Variants in HMGCLL1 observed in about 807,000 individuals in gnomAD.
The protein encoded by HMGCLL1 is 3-hydroxy-3-methylglutaryl-CoA lyase like 1, also known as 3-hydroxymethyl-3-methylglutaryl-CoA lyase, cytoplasmic.
Under a neutral mutation model 39.1 loss-of-function variants are expected in HMGCLL1, and 36 were observed. That is an observed-to-expected ratio of 0.92 (90% CI 0.71 to 1.22). The LOEUF (loss-of-function observed/expected upper bound fraction) is 1.22, where lower values mean the gene tolerates loss of function less well. HMGCLL1 is among the 50% of genes most tolerant of loss of function. The pLI is 0.00. For missense variants in HMGCLL1, 451 were observed against 416.5 expected, an observed-to-expected ratio of 1.08 and a Z score of -0.72; for synonymous variants, 149 against 144.0, an observed-to-expected ratio of 1.03 and a Z score of -0.25.
At chr6:55,592,535 G>A in the HMGCLL1 span, among the ~76,000 whole-genome samples, 12 of 151,986 alleles carry the variant, frequency 7.9e-5, no homozygotes, top group African/African-American at 2.4e-4. Flanking sequence ...ATTCTTTGTT[G>A]TGGGTGGTGT....
At chr6:55,557,180 C>A (rs1387938376) in intron 1 of HMGCLL1, among the ~76,000 whole-genome samples, 2 of 152,176 alleles carry the variant, frequency 1.3e-5, no homozygotes, top group Non-Finnish European at 2.9e-5. Context: ...ATTTATACTA[C>A]ATAGTCTTAC....
chr6:55,512,366 G>C (rs1581879597), intron 5 of HMGCLL1: 2 of 152,172 alleles, frequency 1.3e-5, no homozygotes, highest in Non-Finnish European at 2.9e-5. Context: ...AGAAAATTGA[G>C]ACAACTTATT....
chr6:55,625,185 G>A, the HMGCLL1 span, among the ~76,000 whole-genome samples: 1 of 152,076 alleles, frequency 6.6e-6, no homozygotes, highest in African/African-American at 2.4e-5. Flanking sequence ...CTGTTAATGG[G>A]CTTTTGTGGA....
chr6:55,507,293 C>T (rs1168110851), intron 5 of HMGCLL1, among the ~76,000 whole-genome samples: 1 of 151,642 alleles, frequency 6.6e-6, no homozygotes, highest in Non-Finnish European at 1.5e-5. Flanking sequence ...TGTTATAATA[C>T]TATCGACAGT....
the HMGCLL1 span, among the ~76,000 whole-genome samples, chr6:55,588,173 A>C: frequency 3.3e-5 from 5 of 152,194 alleles, no homozygotes; most frequent in South Asian, 8.3e-4. Context: ...TCCTCAGCAA[A>C]TGTAAAAGAA....
chr6:55,572,232 TAA>T (rs2127476970), intron 1 of HMGCLL1, among the ~76,000 whole-genome samples: 1 of 152,168 alleles, frequency 6.6e-6, no homozygotes, highest in East Asian at 1.9e-4. Context: ...ATGCAAAAGA[TAA>T]GATTGAAAAG....
At chr6:55,565,318 T>C (rs1234768001) in intron 1 of HMGCLL1, among the ~76,000 whole-genome samples, 1 of 152,084 alleles carries the variant, frequency 6.6e-6, no homozygotes, top group African/African-American at 2.4e-5. Context: ...TCAAAAATTA[T>C]GTAAAGCCTT....
At chr6:55,653,667 G>A in the HMGCLL1 span, among the ~76,000 whole-genome samples, 1 of 151,900 alleles carries the variant, frequency 6.6e-6, no homozygotes, top group Admixed American at 6.6e-5. Context: ...TCCCATCTCA[G>A]CCACAGGCAG....
Position 55,495,433 on chromosome 6 carries a change from G to T in HMGCLL1, c.781C>A (p.Leu261Ile), listed in dbSNP as rs764492712. The T allele has an allele frequency of 3.7e-6, 6 of 1,613,614 alleles. No individual in the cohort carries two copies. The highest frequency in any genetic ancestry group is 5.1e-6 in the Non-Finnish European group (6 of 1,179,714). Residue 261 changes from leucine to isoleucine, a missense_variant, in exon 7 of 9, where the codon CTT (leucine) becomes ATT (isoleucine). Coordinates refer to ENST00000274901, the MANE Select transcript of HMGCLL1 (RefSeq NM_001042406.2). Reference protein sequence around the residue: ...DTYGQALANILTALQMGINVV... With the variant: ...DTYGQALANIITALQMGINVV... Reference sequence around the variant, plus strand: ...GTACAAAATACCTGAAGGGCCGTAAGGATATTTGCTAAGGCTTGTCCGTAT... The same window carrying T: ...GTACAAAATACCTGAAGGGCCGTAATGATATTTGCTAAGGCTTGTCCGTAT...
At chr6:55,508,580 T>C in intron 5 of HMGCLL1, among the ~76,000 whole-genome samples, 1 of 151,850 alleles carries the variant, frequency 6.6e-6, no homozygotes, top group Non-Finnish European at 1.5e-5. Flanking sequence ...GTAAAGTTAA[T>C]CTCATGATAA....
chr6:55,495,380 C>G (rs970698429), intron 7 of HMGCLL1, 39 bp downstream of exon 7: 1 of 1,453,932 alleles, frequency 6.9e-7, no homozygotes, highest in African/African-American at 1.4e-5. Context: ...AAGATGAACA[C>G]CCTATGCACA....
chr6:55,449,380 G>C (rs1581792028), intron 7 of HMGCLL1, among the ~76,000 whole-genome samples: 1 of 152,194 alleles, frequency 6.6e-6, no homozygotes, highest in East Asian at 1.9e-4. Flanking sequence ...TGAGGCCTTA[G>C]GGAGTGGTGA....
intron 3 of HMGCLL1, among the ~76,000 whole-genome samples, chr6:55,538,602 C>G (rs1408673149): frequency 2.0e-5 from 3 of 152,014 alleles, no homozygotes; most frequent in Non-Finnish European, 2.9e-5. Flanking sequence ...TTATACAGGA[C>G]CAAATACATG....
chr6:55,625,954 C>A, the HMGCLL1 span, among the ~76,000 whole-genome samples: 1 of 152,144 alleles, frequency 6.6e-6, no homozygotes, highest in Admixed American at 6.5e-5. Flanking sequence ...TCTGCCATTG[C>A]TCCATGGACC....
At chr6:55,524,962 T>C (rs1270409774) in intron 3 of HMGCLL1, among the ~76,000 whole-genome samples, 2 of 150,466 alleles carry the variant, frequency 1.3e-5, no homozygotes, top group East Asian at 3.9e-4. Context: ...ACTATTACTA[T>C]TAATTAATAG....
the HMGCLL1 span, among the ~76,000 whole-genome samples, chr6:55,655,969 T>C: frequency 1.8e-4 from 27 of 151,994 alleles, no homozygotes; most frequent in Non-Finnish European, 3.4e-4. Context: ...GATCATTTCT[T>C]CTTAATCTCC....
chr6:55,546,242 C>G (rs1336732029), intron 1 of HMGCLL1, among the ~76,000 whole-genome samples: 1 of 152,006 alleles, frequency 6.6e-6, no homozygotes, highest in Non-Finnish European at 1.5e-5. Flanking sequence ...TATTGATCAT[C>G]CAAGATTCAA....
At chr6:55,620,650 C>A in the HMGCLL1 span, among the ~76,000 whole-genome samples, 1 of 146,648 alleles carries the variant, frequency 6.8e-6, no homozygotes, top group Admixed American at 6.7e-5. Flanking sequence ...CACACAGACA[C>A]ACAGACACAC....
chr6:55,540,880 A>G (rs1769396971), intron 3 of HMGCLL1, among the ~76,000 whole-genome samples: 1 of 152,140 alleles, frequency 6.6e-6, no homozygotes, highest in Non-Finnish European at 1.5e-5. Context: ...AGGCAGAGAA[A>G]AGCACTGAAA....
Sources: gnomAD v4.1 joint callset for allele counts (sites outside exome capture counted in the v4.1 genomes callset) on GRCh38, gnomAD v4.1.1 for gene constraint, MANE v1.5 for transcripts, NCBI Gene and HGNC (gene_info 2026-07-23, HGNC 2026-07-21) for gene names.